Variants in SLC71A2 observed in about 807,000 individuals in gnomAD.
SLC71A2 encodes the protein hippocampus abundant transcript-like 1.
the SLC71A2 span, chr9:94,441,089 C>T: frequency 8.9e-6 from 14 of 1,575,426 alleles, no homozygotes; most frequent in Non-Finnish European, 1.2e-5. Context: ...CGAAGTACAG[C>T]TTATGGATGG....
the SLC71A2 span, among the ~76,000 whole-genome samples, chr9:94,392,693 G>A: frequency 6.6e-6 from 1 of 152,120 alleles, no homozygotes; most frequent in Non-Finnish European, 1.5e-5. Context: ...TAGAGACGGG[G>A]TTTCACCATG....
the SLC71A2 span, among the ~76,000 whole-genome samples, chr9:94,435,970 GCTTT>G: frequency 0.51 from 76,520 of 151,254 alleles, 19,479 homozygotes; most frequent in Admixed American, 0.6. Flanking sequence ...TTCTTAAAAG[GCTTT>G]CTTTACTTGC....
chr9:94,376,560 A>G, the SLC71A2 span, among the ~76,000 whole-genome samples: 1 of 149,710 alleles, frequency 6.7e-6, no homozygotes, highest in Non-Finnish European at 1.5e-5. Flanking sequence ...AAGCATTATT[A>G]GTATAGTGAT....
At chr9:94,400,073 A>G in the SLC71A2 span, among the ~76,000 whole-genome samples, 1 of 152,088 alleles carries the variant, frequency 6.6e-6, no homozygotes, top group Non-Finnish European at 1.5e-5. Context: ...GGCCTCCCAA[A>G]GTTCTGGGAT....
At chr9:94,409,993 C>T in the SLC71A2 span, among the ~76,000 whole-genome samples, 1 of 145,678 alleles carries the variant, frequency 6.9e-6, no homozygotes, top group African/African-American at 2.6e-5. Flanking sequence ...ATTGTTCTAT[C>T]AGTTACTGAA....
chr9:94,428,471 A>C, the SLC71A2 span, among the ~76,000 whole-genome samples: 2 of 146,698 alleles, frequency 1.4e-5, no homozygotes, highest in Admixed American at 1.4e-4. Context: ...ATAATTTGTG[A>C]GTAGATTTTA....
chr9:94,456,667 TTAAA>T, the SLC71A2 span, among the ~76,000 whole-genome samples: 7 of 152,246 alleles, frequency 4.6e-5, no homozygotes, highest in Non-Finnish European at 1.0e-4. Context: ...CAGATGTCTA[TTAAA>T]TAATGAAAAA....
chr9:94,440,501 T>C, the SLC71A2 span, among the ~76,000 whole-genome samples: 1 of 152,012 alleles, frequency 6.6e-6, no homozygotes, highest in Non-Finnish European at 1.5e-5. Flanking sequence ...TTTTGTTCTA[T>C]AAGGTTTTTC....
the SLC71A2 span, among the ~76,000 whole-genome samples, chr9:94,387,151 A>G: frequency 0.022 from 3,305 of 152,168 alleles, 119 homozygotes; most frequent in African/African-American, 0.075. Context: ...GACATTCATT[A>G]AGGTGGGTGG....
At chr9:94,428,211 G>T in the SLC71A2 span, among the ~76,000 whole-genome samples, 1 of 150,800 alleles carries the variant, frequency 6.6e-6, no homozygotes, top group Non-Finnish European at 1.5e-5. Flanking sequence ...TGATGCATGT[G>T]ACAAATCAAG....
chr9:94,448,650 G>T, the SLC71A2 span, among the ~76,000 whole-genome samples: 1 of 152,080 alleles, frequency 6.6e-6, no homozygotes, highest in African/African-American at 2.4e-5. Flanking sequence ...TTTTTTATTG[G>T]AGACAAGAGT....
At chr9:94,428,599 C>T in the SLC71A2 span, among the ~76,000 whole-genome samples, 2 of 141,836 alleles carry the variant, frequency 1.4e-5, no homozygotes, top group East Asian at 2.0e-4. Context: ...TACCCCCCCC[C>T]CTTTTTTTTT....
At chr9:94,379,092 T>TTTTTTTTTTTTG in the SLC71A2 span, among the ~76,000 whole-genome samples, 1 of 125,328 alleles carries the variant, frequency 8.0e-6, no homozygotes, top group Non-Finnish European at 1.7e-5. Flanking sequence ...GCATTTCCTT[T>TTTTTTTTTTTTG]TTTTTTTTTT....
At chr9:94,444,927 C>T in the SLC71A2 span, 1 of 1,599,556 alleles carries the variant, frequency 6.3e-7, no homozygotes, top group Non-Finnish European at 8.6e-7. Context: ...GAGGTGTTCA[C>T]CTATGGGACC....
the SLC71A2 span, chr9:94,459,561 A>ATCCTCC: frequency 1.6e-6 from 1 of 632,088 alleles, no homozygotes; most frequent in East Asian, 2.9e-5. Context: ...CATTCTGCTC[A>ATCCTCC]TCCTCCTCCT....
the SLC71A2 span, among the ~76,000 whole-genome samples, chr9:94,404,480 G>T: frequency 2.0e-5 from 3 of 151,976 alleles, no homozygotes; most frequent in Non-Finnish European, 4.4e-5. Flanking sequence ...ATTTTTACTA[G>T]AGACAGGGTT....
At chr9:94,438,592 A>G in the SLC71A2 span, 1 of 1,599,534 alleles carries the variant, frequency 6.3e-7, no homozygotes. Context: ...TTATACTTAT[A>G]TTTGCAGAGC....
At chr9:94,378,247 G>C in the SLC71A2 span, among the ~76,000 whole-genome samples, 5 of 151,812 alleles carry the variant, frequency 3.3e-5, no homozygotes, top group African/African-American at 1.2e-4. Context: ...AGGAAGCTTA[G>C]CACCAGCATC....
At chr9:94,405,623 A>G in the SLC71A2 span, among the ~76,000 whole-genome samples, 1 of 151,926 alleles carries the variant, frequency 6.6e-6, no homozygotes, top group African/African-American at 2.4e-5. Flanking sequence ...ACACACCACC[A>G]TGCCCACTTG....
Sources: allele counts gnomAD v4.1 joint callset (sites outside exome capture counted in the v4.1 genomes callset), GRCh38; gene constraint gnomAD v4.1.1; transcripts MANE v1.5; gene names NCBI Gene and HGNC (gene_info 2026-07-23, HGNC 2026-07-21).